FUT9: variants seen among roughly 807,000 people sequenced by gnomAD.
FUT9 encodes the protein 4-galactosyl-N-acetylglucosaminide 3-alpha-L-fucosyltransferase 9.
Under a neutral mutation model 29.7 loss-of-function variants are expected in FUT9, and 15 were observed. The observed-to-expected ratio is 0.51, with a 90% confidence interval of 0.34 to 0.78. FUT9 has a LOEUF of 0.78. Ranked by LOEUF, FUT9 falls within the 30% of genes least tolerant of loss-of-function variation. The pLI, the probability that FUT9 is intolerant of heterozygous loss-of-function variation, is 0.01. For missense variants in FUT9, 319 were observed against 425.4 expected, an observed-to-expected ratio of 0.75 and a Z score of 2.20; for synonymous variants, 169 against 153.7, an observed-to-expected ratio of 1.10 and a Z score of -0.74.
In FUT9 at chr6:96,180,509, T is replaced by C. The variant is rs572786692; in HGVS notation, c.-8-22639T>C. Among the ~76,000 whole-genome samples, 3 of 152,204 alleles carry C rather than the reference T, an allele frequency of 2.0e-5. No homozygotes were observed. The South Asian group carries it at 6.2e-4, about 32-fold the overall frequency. On this transcript the variant is annotated intron_variant, in intron 2 of 2. Transcript: ENST00000302103. Reference sequence around the variant, plus strand: ...ATGTAAGTGAAGGGTTTTTTGGTTTTATTATTATTTTTAATTAACATATAA... The same window carrying C: ...ATGTAAGTGAAGGGTTTTTTGGTTTCATTATTATTTTTAATTAACATATAA...
At chr6:96,199,550 T>TGA (rs150916458) in intron 2 of FUT9, among the ~76,000 whole-genome samples, 22 of 150,842 alleles carry the variant, frequency 1.5e-4, no homozygotes, top group South Asian at 1.0e-3. Context: ...GTTTGGCTAA[T>TGA]GAGAGAGAGA....
At chr6:96,135,602 C>T (rs1772333922) in intron 2 of FUT9, among the ~76,000 whole-genome samples, 1 of 151,620 alleles carries the variant, frequency 6.6e-6, no homozygotes, top group Admixed American at 6.6e-5. Flanking sequence ...AAGACATGCA[C>T]AGCAAATGCA....
At position 96,203,482 on chromosome 6, in the gene FUT9, T is replaced by A; in HGVS notation, c.327T>A (p.His109Gln). 6.2e-7 allele frequency: 1 copy of A among 1,610,478 alleles called. No homozygotes were observed. Among genetic ancestry groups the A allele is most frequent in the South Asian group, 1.1e-5 (1 of 90,550 alleles). ...LYNKSHAVLI[H>Q]HRDISWDLTN... ...ACAAATCCCATGCAGTTCTGATCCA[T>A]CACCGAGACATCAGTTGGGATCTGA... Residue 109 changes from histidine to glutamine, a missense_variant, in exon 3 of 3, where the codon CAT becomes CAA. Transcript: ENST00000302103.
At chr6:96,041,689 A>G (rs558434018) in intron 1 of FUT9, among the ~76,000 whole-genome samples, 27 of 152,216 alleles carry the variant, frequency 1.8e-4, no homozygotes, top group African/African-American at 6.0e-4. Context: ...CCAGCTCCAA[A>G]ATTCTTTGAT....
intron 2 of FUT9, among the ~76,000 whole-genome samples, chr6:96,140,877 A>G (rs1562139998): frequency 6.6e-6 from 1 of 152,232 alleles, no homozygotes; most frequent in Non-Finnish European, 1.5e-5. Flanking sequence ...TATCTAAAGT[A>G]TGTCATGCAT....
intron 2 of FUT9, among the ~76,000 whole-genome samples, chr6:96,165,966 A>G (rs557147849): frequency 1.1e-4 from 16 of 152,242 alleles, no homozygotes; most frequent in South Asian, 6.2e-4. Flanking sequence ...AGGTCTGAGA[A>G]TTAGCTACTA....
At chr6:96,171,249 C>G (rs556547689) in intron 2 of FUT9, among the ~76,000 whole-genome samples, 2 of 152,314 alleles carry the variant, frequency 1.3e-5, no homozygotes, top group Admixed American at 1.3e-4. Context: ...TCAGTTCCAA[C>G]CCGCATTTGG....
At chr6:96,061,717 A>G (rs915115783) in intron 1 of FUT9, among the ~76,000 whole-genome samples, 15 of 152,156 alleles carry the variant, frequency 9.9e-5, no homozygotes, top group Admixed American at 2.0e-4. Flanking sequence ...TCTTCATTCA[A>G]GTGGTGTCTA....
intron 1 of FUT9, among the ~76,000 whole-genome samples, chr6:96,069,963 A>T (rs1241004905): frequency 6.6e-6 from 1 of 152,192 alleles, no homozygotes; most frequent in African/African-American, 2.4e-5. Context: ...CAGCTAAAAA[A>T]ACACACAAAA....
intron 2 of FUT9, among the ~76,000 whole-genome samples, chr6:96,197,653 G>T (rs1773650534): frequency 6.6e-6 from 1 of 152,110 alleles, no homozygotes; most frequent in Non-Finnish European, 1.5e-5. Flanking sequence ...AATAGTAAAT[G>T]TACTATACAG....
chr6:96,134,098 T>C (rs1194315192), intron 2 of FUT9, among the ~76,000 whole-genome samples: 15 of 151,916 alleles, frequency 9.9e-5, no homozygotes. Context: ...AAAGAGAAGA[T>C]ATGTGAACAA....
chr6:96,041,521 GAC>G (rs2127932831), intron 1 of FUT9, among the ~76,000 whole-genome samples: 1 of 152,198 alleles, frequency 6.6e-6, no homozygotes, highest in South Asian at 2.1e-4. Context: ...GGAAAATAAT[GAC>G]AGTCTTTTAG....
In FUT9 at chr6:96,115,456, A is replaced by G. The variant is rs184016066; in HGVS notation, c.-9+1329A>G. Among the ~76,000 whole-genome samples, 520 of 152,364 alleles carry G rather than the reference A, an allele frequency of 3.4e-3. 5 individuals carry two copies. The highest frequency in any genetic ancestry group is 0.01 in the Middle Eastern group (3 of 294). On this transcript the variant is annotated intron_variant, in intron 2 of 2. Coordinates refer to ENST00000302103, the MANE Select transcript of FUT9 (RefSeq NM_006581.4). ...TCTATACTTAGACTTCATAAAATTT[A>G]CAGTTGGAAAAGTAGATTCACAAAC...
chr6:96,133,550 A>G (rs551048298), intron 2 of FUT9, among the ~76,000 whole-genome samples: 1 of 152,022 alleles, frequency 6.6e-6, no homozygotes, highest in South Asian at 2.1e-4. Flanking sequence ...TAACCACACT[A>G]GGTTCCACAT....
intron 2 of FUT9, among the ~76,000 whole-genome samples, chr6:96,137,486 A>G (rs1280190096): frequency 6.6e-6 from 1 of 152,074 alleles, no homozygotes; most frequent in African/African-American, 2.4e-5. Flanking sequence ...GCTGCACATA[A>G]TAACCTCCTC....
chr6:96,102,877 A>G (rs1218313177), intron 1 of FUT9, among the ~76,000 whole-genome samples: 2 of 152,182 alleles, frequency 1.3e-5, no homozygotes, highest in Non-Finnish European at 2.9e-5. Flanking sequence ...CTCATGCATC[A>G]TGCTACACTG....
Position 96,204,387 on chromosome 6 carries a change from A to G in FUT9, c.*152A>G. Reference sequence around the variant, plus strand: ...CGTGTATATTTTGGTGGAGATTTTTAAAAGCTCAGCATGAGCAATCATTCC... The same window carrying G: ...CGTGTATATTTTGGTGGAGATTTTTGAAAGCTCAGCATGAGCAATCATTCC... On this transcript the variant is annotated 3_prime_UTR_variant, in exon 3 of 3. Coordinates refer to ENST00000302103, the MANE Select transcript of FUT9 (RefSeq NM_006581.4). 2.0e-6 allele frequency: 1 copy of G among 491,442 alleles called. No individual in the cohort carries two copies. The highest frequency in any genetic ancestry group is 3.5e-6 in the Non-Finnish European group (1 of 287,890). 30.4% of individuals were successfully genotyped at this position (491,442 alleles called of 1,614,324 possible).
intron 1 of FUT9, among the ~76,000 whole-genome samples, chr6:96,017,972 A>G (rs542221810): frequency 1.3e-5 from 2 of 152,272 alleles, no homozygotes; most frequent in South Asian, 4.1e-4. Flanking sequence ...GTTTTCATTC[A>G]AACTGTATCT....
chr6:96,121,617 A>G (rs1772030063), intron 2 of FUT9, among the ~76,000 whole-genome samples: 1 of 152,206 alleles, frequency 6.6e-6, no homozygotes, highest in South Asian at 2.1e-4. Context: ...TAGGTTTTTG[A>G]TTTTTAATTT....
Sources: gnomAD v4.1 joint callset for allele counts (sites outside exome capture counted in the v4.1 genomes callset) on GRCh38, gnomAD v4.1.1 for gene constraint, MANE v1.5 for transcripts, NCBI Gene and HGNC (gene_info 2026-07-23, HGNC 2026-07-21) for gene names.